The following HIP1R variants were observed in gnomAD, a reference collection of about 807,000 sequenced individuals.
The protein encoded by HIP1R is huntingtin-interacting protein 1-related protein.
Under a neutral mutation model 144.2 loss-of-function variants are expected in HIP1R, and 135 were observed. The observed-to-expected ratio is 0.94, with a 90% CI of 0.81 to 1.08. HIP1R has a LOEUF of 1.08. HIP1R is among the 50% of genes least tolerant of loss of function. HIP1R has a pLI of 0.00. For missense variants in HIP1R, 1,462 were observed against 1,432.8 expected (o/e 1.02, Z -0.33); for synonymous variants, 698 against 612.8 (o/e 1.14, Z -2.05).
At chr12:122,846,620 G>T (rs2033218768) in intron 1 of HIP1R, among the ~76,000 whole-genome samples, 1 of 152,206 alleles carries the variant, frequency 6.6e-6, no homozygotes, top group Admixed American at 6.5e-5. Flanking sequence ...TCAGGTCGTG[G>T]TTCCTTGAGA....
Position 122,856,150 on chromosome 12 carries a change from T to G in HIP1R, c.1299T>G (p.Arg433=). 6.3e-7 allele frequency: 1 copy of G among 1,599,988 alleles called. No individual in the cohort carries two copies. Residue 433 remains arginine (R), a synonymous_variant, in exon 14 of 32, where the codon CGT becomes CGG. Coordinates refer to ENST00000253083, the MANE Select transcript of HIP1R (RefSeq NM_003959.3). The part of the protein sequence containing the change: ...QLEGERSQGL[R]EEAERKASAT... ...AGGGCGAGCGGAGCCAGGGCCTGCG[T>G]GAGGAGGCTGAGAGTACGTGGGGCC... is the stretch of plus-strand genomic sequence containing the variant.
rs2033709582 is a variant in HIP1R, at chr12:122,859,793, C to T, written c.2428C>T (p.His810Tyr). ...RIEDMMNQARHASSGVKLEVN... is the reference protein window; with the variant it reads ...RIEDMMNQARYASSGVKLEVN... Reference sequence around the variant, plus strand: ...GCAGGACATGATGAACCAGGCACGCCACGCCAGCTCGGGGGTGAAGCTGGA... The same window carrying T: ...GCAGGACATGATGAACCAGGCACGCTACGCCAGCTCGGGGGTGAAGCTGGA... The change falls in exon 24 of 32, where the codon CAC becomes TAC. Residue 810 changes from histidine (H) to tyrosine (Y), a missense_variant. By Grantham distance (83) the His-to-Tyr change is moderately conservative. This residue lies in a region of HIP1R where 1,112 missense variants were observed against 1,011.7 expected (regional missense o/e 1.10). Coordinates refer to ENST00000253083, the MANE Select transcript of HIP1R (RefSeq NM_003959.3). The T allele has an allele frequency of 6.2e-7, 1 of 1,612,976 alleles. No individual in the cohort carries two copies. The highest frequency in any genetic ancestry group is 8.5e-7 in the Non-Finnish European group (1 of 1,179,828).
rs1174900545 is a variant in HIP1R at position 122,860,986 on chromosome 12, C to G, written c.2837C>G (p.Ala946Gly). ...QECSRTVNER[A>G]ANVVASTKSG... ...TGTTCTCGCACAGTCAATGAGAGGG[C>G]TGCCAATGTGGTGGCCTCCACCAAG... Residue 946 changes from alanine to glycine, a missense_variant, in exon 29 of 32, where the codon GCT becomes GGT. Physicochemically the swap from Ala to Gly is moderately conservative, Grantham distance 60. Transcript: ENST00000253083. 3 of 1,613,634 alleles carry G rather than the reference C, an allele frequency of 1.9e-6. No individual in the cohort carries two copies. The South Asian group carries it at 3.3e-5, about 18-fold the overall frequency.
intron 10 of HIP1R, 57 bp from the exon 11 acceptor site, chr12:122,855,208 C>A: frequency 1.9e-6 from 3 of 1,610,184 alleles, no homozygotes; most frequent in Non-Finnish European, 1.7e-6. Context: ...ATGGAGATGG[C>A]GGAAGGAGGG....
At chr12:122,851,364 G>C in intron 7 of HIP1R, 67 bp downstream of exon 7, 2 of 1,330,288 alleles carry the variant, frequency 1.5e-6, no homozygotes, top group Non-Finnish European at 2.0e-6. Flanking sequence ...GGGACGAGAA[G>C]AAAAAAGAAG....
At chr12:122,861,664 G>A (rs759078184) in intron 31 of HIP1R, 42 bp from the exon 32 acceptor site, 7 of 1,611,450 alleles carry the variant, frequency 4.3e-6, no homozygotes, top group Non-Finnish European at 1.7e-6. Flanking sequence ...GGCCCCAGGT[G>A]CCTGGCTGTG....
At chr12:122,856,966 G>A (rs2033601777) in intron 17 of HIP1R, 55 bp from the exon 18 acceptor site, 7 of 1,504,844 alleles carry the variant, frequency 4.7e-6, no homozygotes, top group Non-Finnish European at 6.3e-6. Context: ...TGGGGGCAGG[G>A]TGGGTGGGGC....
At chr12:122,837,336 T>TA (rs1566099248) in intron 1 of HIP1R, among the ~76,000 whole-genome samples, 2 of 150,664 alleles carry the variant, frequency 1.3e-5, no homozygotes, top group African/African-American at 2.5e-5. Context: ...TTTTTTTTTT[T>TA]AAAGACAGAG....
At position 122,856,565 on chromosome 12, in the gene HIP1R, ACAGGGCCCTGCCCCGGCATCCC is replaced by A; in HGVS notation, c.1518+21_1519-35del. 2.5e-6 allele frequency: 4 copies of A among 1,598,578 alleles called. No homozygotes were observed. Among genetic ancestry groups the A allele is most frequent in the Non-Finnish European group, 3.4e-6 (4 of 1,171,692 alleles). Reference sequence around the variant, plus strand: ...GAGTTGAAGGTATGTCCCTTGTGGCACAGGGCCCTGCCCCGGCATCCCCAGCCCACTGCCCCAGTGACACGCT... The same window carrying A: ...GAGTTGAAGGTATGTCCCTTGTGGCACAGCCCACTGCCCCAGTGACACGCT... On this transcript the variant is annotated intron_variant, in intron 16 of 31. Coordinates refer to ENST00000253083, the MANE Select transcript of HIP1R (RefSeq NM_003959.3).
intron 1 of HIP1R, among the ~76,000 whole-genome samples, chr12:122,846,030 C>T (rs868278047): frequency 3.3e-5 from 5 of 152,232 alleles, no homozygotes; most frequent in Admixed American, 1.3e-4. Context: ...CCAGTCACTT[C>T]GCCTCCACCC....
chr12:122,857,411 T>G, intron 18 of HIP1R, 196 bp downstream of exon 18: 2 of 629,416 alleles, frequency 3.2e-6, no homozygotes, highest in African/African-American at 1.8e-5. Context: ...CATTACCTCA[T>G]TCCTTTTATG....
chr12:122,855,205 T>G, intron 10 of HIP1R, 60 bp from the exon 11 acceptor site: 1 of 1,610,902 alleles, frequency 6.2e-7, no homozygotes, highest in Non-Finnish European at 8.5e-7. Flanking sequence ...GCTATGGAGA[T>G]GGCGGAAGGA....
chr12:122,853,297 C>T (rs1449623719), intron 7 of HIP1R, among the ~76,000 whole-genome samples: 1 of 56,128 alleles, frequency 1.8e-5, no homozygotes, highest in South Asian at 7.6e-4. Context: ...GCAGGGGAGA[C>T]GGGCCCTGGG....
intron 3 of HIP1R, 74 bp downstream of exon 3, chr12:122,848,682 TC>T: frequency 1.9e-6 from 3 of 1,594,652 alleles, no homozygotes; most frequent in Non-Finnish European, 2.6e-6. Context: ...CTGGCCCTGT[TC>T]CTGTCCCCGT....
Position 122,861,520 on chromosome 12 carries a change from G to C in HIP1R, c.3159+6G>C, listed in dbSNP as rs367784838. On this transcript the variant is annotated splice_donor_region_variant and intron_variant, in intron 31 of 31. Coordinates refer to ENST00000253083, the MANE Select transcript of HIP1R (RefSeq NM_003959.3). ...CCCCCAGACAGGACCACCAGGTGCC[G>C]TCTGCACTGGGATGGGGGAGTTCCT... 1.2e-6 allele frequency: 2 copies of C among 1,607,876 alleles called. No homozygotes were observed. The highest frequency in any genetic ancestry group is 2.2e-5 in the South Asian group (2 of 90,328).
At chr12:122,835,172 A>G (rs762452440), upstream of HIP1R, among the ~76,000 whole-genome samples, 120 of 91,556 alleles carry the variant, frequency 1.3e-3, no homozygotes, top group Non-Finnish European at 2.1e-3. Context: ...CTGTGCCCCA[A>G]CCTTGTGAGT....
chr12:122,844,075 G>A (rs905152518), intron 1 of HIP1R, among the ~76,000 whole-genome samples: 6 of 152,262 alleles, frequency 3.9e-5, no homozygotes, highest in Admixed American at 1.3e-4. Context: ...CTGACCTCAA[G>A]TGATCCACCT....
At chr12:122,856,816 G>T in intron 17 of HIP1R, 90 bp downstream of exon 17, 1 of 1,208,038 alleles carries the variant, frequency 8.3e-7, no homozygotes. Context: ...GGCCCCACCT[G>T]GGTGCCACTC....
chr12:122,852,540 G>GT (rs2033428954), intron 7 of HIP1R, among the ~76,000 whole-genome samples: 1 of 152,172 alleles, frequency 6.6e-6, no homozygotes, highest in South Asian at 2.1e-4. Context: ...TTCCCACCTG[G>GT]TGACGCTGGT....
Sources: gnomAD v4.1 joint callset for allele counts (sites outside exome capture counted in the v4.1 genomes callset) on GRCh38, gnomAD v4.1.1 for gene constraint, gnomAD v4.1.1 regional missense constraint, MANE v1.5 for transcripts, NCBI Gene and HGNC (gene_info 2026-07-23, HGNC 2026-07-21) for gene names.